TRRAP: variants seen among roughly 807,000 people sequenced by gnomAD.
TRRAP encodes transformation/transcription domain associated protein, also known as transformation/transcription domain-associated protein.
A neutral mutation model predicts 438.8 loss-of-function variants in TRRAP; 41 were observed. The observed-to-expected ratio is 0.09, with a 90% CI of 0.07 to 0.12. The LOEUF (loss-of-function observed/expected upper bound fraction) is 0.12, where lower values mean the gene tolerates loss of function less well. TRRAP is among the 10% of genes least tolerant of loss of function. The probability of loss-of-function intolerance (pLI) is 1.00; values close to 1 mark genes in which losing one functional copy is unlikely to be tolerated. For missense variants in TRRAP, 3,122 were observed against 5,055.1 expected, an observed-to-expected ratio of 0.62 and a Z score of 11.60; for synonymous variants, 1,994 against 1,962.9, an observed-to-expected ratio of 1.02 and a Z score of -0.42.
chr7:98,992,107 C>A, intron 64 of TRRAP, 30 bp from the exon 65 acceptor site: 1 of 1,604,308 alleles, frequency 6.2e-7, no homozygotes, highest in Non-Finnish European at 8.5e-7. Flanking sequence ...CAGAGAGCAG[C>A]ACTGTTTATA....
At chr7:98,902,079 CATT>C (rs1796496477) in intron 11 of TRRAP, among the ~76,000 whole-genome samples, 1 of 152,130 alleles carries the variant, frequency 6.6e-6, no homozygotes, top group Admixed American at 6.5e-5. Context: ...CATTTTTGGC[CATT>C]ATTAATAAAG....
rs767231695 is a variant in TRRAP at position 99,008,420 on chromosome 7, G to A, written c.10797G>A (p.Glu3599=). ...VAVSPQMRLV[E]DNPSSLSLVE... ...TTTCCCCACAGATGCGCCTCGTGGA[G>A]GACAACCCCTCTTCACTTTCCCTTG... The change falls in exon 70 of 73, where the codon GAG becomes GAA. Residue 3599 remains glutamate (E), a synonymous_variant. Transcript: ENST00000456197. The A allele has an allele frequency of 1.2e-6, 2 of 1,614,228 alleles. No individual in the cohort carries two copies. Among genetic ancestry groups the A allele is most frequent in the Non-Finnish European group, 1.7e-6 (2 of 1,180,040 alleles).
chr7:99,000,589 C>G (rs1793874683), intron 67 of TRRAP, among the ~76,000 whole-genome samples: 2 of 152,264 alleles, frequency 1.3e-5, no homozygotes, highest in South Asian at 4.1e-4. Flanking sequence ...CAGCATGCCA[C>G]TGCCGCCGTC....
Position 98,899,701 on chromosome 7 carries a change from ATGT to A in TRRAP, c.740_742del (p.Val247del), listed in dbSNP as rs1562931463. ...TAGCTCTACAAACTGAACATCCACA[ATGT>A]TGTTGCTGAGTTTGTGCCCTTGATC... On this transcript the variant is annotated inframe_deletion, in exon 10 of 73. Coordinates refer to ENST00000456197, the MANE Select transcript of TRRAP (RefSeq NM_001375524.1). The A allele has an allele frequency of 6.2e-7, 1 of 1,614,080 alleles. No individual in the cohort carries two copies. The highest frequency in any genetic ancestry group is 2.2e-5 in the East Asian group (1 of 44,894).
intron 67 of TRRAP, among the ~76,000 whole-genome samples, chr7:98,995,501 T>A (rs1166601105): frequency 6.6e-6 from 1 of 152,066 alleles, no homozygotes; most frequent in African/African-American, 2.4e-5. Context: ...TTTCAATGCT[T>A]GTCTGTAGTT....
chr7:98,923,887 T>G lies in TRRAP; in HGVS notation c.2824-1225T>G, dbSNP rs570417970. 2.0e-5 allele frequency among the ~76,000 whole-genome samples: 3 copies of G among 152,378 alleles called. No homozygotes were observed. The East Asian group carries it at 5.8e-4, about 29-fold the overall frequency. ...GTCTTGGCTGTTAAAGGCTTCAGAT[T>G]ACTTTTGTGTGTGGTTGTGTCTTCG... is the stretch of plus-strand genomic sequence containing the variant. On this transcript the variant is annotated intron_variant, in intron 21 of 72. Coordinates refer to ENST00000456197, the MANE Select transcript of TRRAP (RefSeq NM_001375524.1).
At position 98,988,820 on chromosome 7, in the gene TRRAP, G is replaced by C. The variant is rs1438089379; in HGVS notation, c.9445G>C (p.Val3149Leu). Reference protein sequence around the residue: ...SAAVQMHDVLVKAWAMWGDYL... With the variant: ...SAAVQMHDVLLKAWAMWGDYL... ...AGCTGTGCAGATGCACGATGTGCTG[G>C]TGAAAGCCTGGGCCATGTGGGGCGA... Residue 3149 changes from valine (V) to leucine (L), a missense_variant, in exon 63 of 73, where the codon GTG becomes CTG. By Grantham distance (32) the Val-to-Leu change is conservative. Transcript: ENST00000456197. 2.5e-6 allele frequency: 4 copies of C among 1,614,232 alleles called. No individual in the cohort carries two copies. The highest frequency in any genetic ancestry group is 3.4e-6 in the Non-Finnish European group (4 of 1,180,052).
Position 98,967,573 on chromosome 7 carries a change from G to C in TRRAP, c.7387G>C (p.Ala2463Pro). 6.2e-7 allele frequency: 1 copy of C among 1,614,120 alleles called. No individual in the cohort carries two copies. The highest frequency in any genetic ancestry group is 8.5e-7 in the Non-Finnish European group (1 of 1,180,022). ...GLRCAQPLIR[A>P]KFFEVFDNSM... The stretch of plus-strand genomic sequence containing the variant: ...GCGCTGTGCCCAGCCACTCATCAGG[G>C]CAAAGTTTTTCGAGGTTTTTGACAA... The change falls in exon 51 of 73, where the codon GCA becomes CCA. Residue 2463 changes from alanine (A) to proline (P), a missense_variant. Ala to Pro is a conservative substitution (Grantham distance 27, BLOSUM62 -1). Coordinates refer to ENST00000456197, the MANE Select transcript of TRRAP (RefSeq NM_001375524.1).
intron 18 of TRRAP, among the ~76,000 whole-genome samples, chr7:98,914,301 G>T (rs1024916184): frequency 6.6e-6 from 1 of 152,000 alleles, no homozygotes; most frequent in Non-Finnish European, 1.5e-5. Flanking sequence ...TCAGGAAGCC[G>T]AAGAGAGAGG....
intron 20 of TRRAP, among the ~76,000 whole-genome samples, chr7:98,921,434 G>A (rs1345826821): frequency 6.6e-6 from 1 of 151,982 alleles, no homozygotes; most frequent in African/African-American, 2.4e-5. Flanking sequence ...GGAGTGCAGT[G>A]GTGTGATCTC....
intron 67 of TRRAP, among the ~76,000 whole-genome samples, chr7:98,997,586 A>G (rs568811311): frequency 1.8e-4 from 27 of 151,116 alleles, no homozygotes; most frequent in African/African-American, 6.6e-4. Flanking sequence ...TTAAGAGTGG[A>G]ACTACAGTGG....
In TRRAP at chr7:98,976,020, A is replaced by C; in HGVS notation, c.7840-129A>C. The C allele has an allele frequency of 4.1e-6, 5 of 1,228,498 alleles. No homozygotes were observed. The highest frequency in any genetic ancestry group is 5.5e-6 in the Non-Finnish European group (5 of 910,050). The allele number at this position is 1,228,498 out of a possible 1,614,324, so 76.1% of individuals were successfully genotyped here. ...TTACTCTAACATGGCATTTTCTCAG[A>C]TCTTTGAAACTTTGAAAGTGGAGGA... On this transcript the variant is annotated intron_variant, in intron 53 of 72. Transcript: ENST00000456197. This position sits in a 1 kb window ranked among gnomAD's most constrained non-coding sequence, Gnocchi z 4.6.
chr7:98,934,508 C>A (rs1445039241), intron 27 of TRRAP, among the ~76,000 whole-genome samples: 1 of 152,174 alleles, frequency 6.6e-6, no homozygotes, highest in Non-Finnish European at 1.5e-5. Flanking sequence ...GCATGGAAAA[C>A]TCCTCACTGC....
At chr7:98,952,120 T>C (rs1391078318) in intron 39 of TRRAP, among the ~76,000 whole-genome samples, 1 of 152,190 alleles carries the variant, frequency 6.6e-6, no homozygotes, top group Admixed American at 6.5e-5. Flanking sequence ...GTCTGTCTGT[T>C]TTTCAGAATT....
intron 65 of TRRAP, 78 bp from the exon 66 acceptor site, chr7:98,993,460 C>T: frequency 6.7e-7 from 1 of 1,490,760 alleles, no homozygotes; most frequent in Non-Finnish European, 9.1e-7. Context: ...CTCCTTTGGC[C>T]CATGGGTCCT....
intron 23 of TRRAP, 48 bp downstream of exon 23, chr7:98,927,414 A>G (rs782084783): frequency 3.2e-6 from 5 of 1,586,506 alleles, no homozygotes; most frequent in Admixed American, 3.5e-5. Flanking sequence ...TTTGACTTTT[A>G]TAGGTGCTTT....
chr7:98,913,291 CTTTTTTTGTTTTTTT>C (rs1207284811), intron 18 of TRRAP, among the ~76,000 whole-genome samples: 15 of 151,620 alleles, frequency 9.9e-5, no homozygotes, highest in African/African-American at 3.6e-4. Context: ...TTTGTTTTTG[CTTTTTTTGTTTTTTT>C]GGGTTTTTTT....
At chr7:98,930,961 C>A in intron 25 of TRRAP, 131 bp downstream of exon 25, 1 of 1,197,726 alleles carries the variant, frequency 8.3e-7, no homozygotes, top group Non-Finnish European at 1.2e-6. Flanking sequence ...GATTTCATTT[C>A]AGCATCTTCA....
intron 53 of TRRAP, among the ~76,000 whole-genome samples, chr7:98,974,492 T>G (rs953886714): frequency 7.2e-4 from 110 of 152,256 alleles, no homozygotes; most frequent in African/African-American, 2.6e-3. Context: ...TGGGCTCTTT[T>G]GACACTGTGG....
Sources: allele counts gnomAD v4.1 joint callset (sites outside exome capture counted in the v4.1 genomes callset), GRCh38; gene constraint gnomAD v4.1.1; non-coding constraint Gnocchi (gnomAD v3.1); transcripts MANE v1.5; gene names NCBI Gene and HGNC (gene_info 2026-07-23, HGNC 2026-07-21).